Variants in NXPH1 observed in about 807,000 individuals in gnomAD.
NXPH1 encodes the protein neurexophilin-1.
NXPH1 carries 5 observed loss-of-function variants against 23.7 expected under a neutral mutation model. The ratio of observed to expected loss-of-function variants is 0.21; its 90% CI spans 0.11 to 0.44. The LOEUF is 0.44. Ranked by LOEUF, NXPH1 falls within the 20% of genes least tolerant of loss-of-function variation. NXPH1 has a pLI of 0.99. For synonymous variants in NXPH1, 144 were observed against 122.2 expected (o/e 1.18, Z -1.18); for missense variants, 324 against 321.6 (o/e 1.01, Z -0.06).
At chr7:8,543,208 A>G (rs576310322) in intron 2 of NXPH1, among the ~76,000 whole-genome samples, 44 of 151,220 alleles carry the variant, frequency 2.9e-4, no homozygotes, top group African/African-American at 1.0e-3. Context: ...CATCTCATCC[A>G]CTCCCACCTA....
chr7:8,532,424 G>A (rs974257448), intron 2 of NXPH1, among the ~76,000 whole-genome samples: 1 of 117,186 alleles, frequency 8.5e-6, no homozygotes, highest in East Asian at 3.0e-4. Flanking sequence ...TCTTATTGGA[G>A]CAATACTCTC....
chr7:8,751,520 C>T lies in NXPH1; in HGVS notation c.567C>T (p.Ser189=). ...AQQTVIDAKD[S]KSFNCRIEYE... is the part of the protein sequence containing the mutation. ...AAACCGTGATTGATGCCAAAGATTC[C>T]AAGTCTTTTAATTGTCGCATTGAAT... The change falls in exon 3 of 3, where the codon TCC becomes TCT. Residue 189 remains serine (S), a synonymous_variant. Coordinates refer to ENST00000405863, the MANE Select transcript of NXPH1 (RefSeq NM_152745.3). The surrounding 1 kb of genome is among the most constrained non-coding windows in gnomAD (Gnocchi z 4.5). The T allele has an allele frequency of 6.2e-7, 1 of 1,613,560 alleles. No homozygotes were observed. The highest frequency in any genetic ancestry group is 2.2e-5 in the East Asian group (1 of 44,874).
chr7:8,730,901 G>A (rs1780141174), intron 2 of NXPH1, among the ~76,000 whole-genome samples: 2 of 151,188 alleles, frequency 1.3e-5, no homozygotes, highest in South Asian at 4.2e-4. Context: ...TTGCTAGATT[G>A]GGGATGTTCT....
At chr7:8,520,254 A>C (rs1817747997) in intron 2 of NXPH1, among the ~76,000 whole-genome samples, 1 of 152,138 alleles carries the variant, frequency 6.6e-6, no homozygotes, top group Non-Finnish European at 1.5e-5. Context: ...CCCAAATATA[A>C]GGTTTTTTTG....
intron 2 of NXPH1, among the ~76,000 whole-genome samples, chr7:8,686,726 G>A (rs1220063074): frequency 6.6e-6 from 1 of 152,032 alleles, no homozygotes; most frequent in East Asian, 1.9e-4. Flanking sequence ...GGGGAGAGAG[G>A]AGAATAATCT....
Position 8,548,555 on chromosome 7 carries a change from G to A in NXPH1, c.54+112788G>A, listed in dbSNP as rs186970770. Among the ~76,000 whole-genome samples the A allele has an allele frequency of 1.1e-4, 17 of 151,634 alleles. No homozygotes were observed. In the East Asian group the frequency reaches 3.3e-3, roughly 30 times the overall value. On this transcript the variant is annotated intron_variant, in intron 2 of 2. Transcript: ENST00000405863. ...AGAGGGATATTCAGACTTTTGGGTA[G>A]TTTCTCTGCGAGACTGCCTAATGTG...
intron 2 of NXPH1, among the ~76,000 whole-genome samples, chr7:8,649,174 T>A (rs1003260123): frequency 6.6e-6 from 1 of 152,170 alleles, no homozygotes; most frequent in African/African-American, 2.4e-5. Flanking sequence ...TGAAAGTCTG[T>A]CTACATACCA....
At chr7:8,554,280 G>A (rs938733288) in intron 2 of NXPH1, among the ~76,000 whole-genome samples, 5 of 151,642 alleles carry the variant, frequency 3.3e-5, no homozygotes, top group Admixed American at 6.6e-5. Context: ...ATAGCCAGGG[G>A]CAATCCTTCA....
intron 2 of NXPH1, among the ~76,000 whole-genome samples, chr7:8,744,492 C>T (rs899243309): frequency 3.9e-5 from 6 of 152,144 alleles, no homozygotes; most frequent in Non-Finnish European, 4.4e-5. Flanking sequence ...TTCTGCCTGT[C>T]CTCAAAGTGC....
At chr7:8,611,102 T>A (rs1239058844) in intron 2 of NXPH1, among the ~76,000 whole-genome samples, 1 of 152,188 alleles carries the variant, frequency 6.6e-6, no homozygotes, top group Non-Finnish European at 1.5e-5. Flanking sequence ...TTTTTTCCTT[T>A]TATTTCTAGT....
At chr7:8,501,500 T>G (rs1293448471) in intron 2 of NXPH1, among the ~76,000 whole-genome samples, 1 of 152,000 alleles carries the variant, frequency 6.6e-6, no homozygotes, top group Non-Finnish European at 1.5e-5. Context: ...TGTAAAAAAT[T>G]TCATAGTGAT....
intron 2 of NXPH1, among the ~76,000 whole-genome samples, chr7:8,735,308 T>C (rs770058610): frequency 6.6e-6 from 1 of 152,188 alleles, no homozygotes; most frequent in Non-Finnish European, 1.5e-5. Flanking sequence ...TATTTTAAGA[T>C]ATGTTCCATC....
intron 2 of NXPH1, among the ~76,000 whole-genome samples, chr7:8,705,377 G>C (rs1779686406): frequency 6.6e-6 from 1 of 152,092 alleles, no homozygotes; most frequent in African/African-American, 2.4e-5. Context: ...AAGTTTTTCT[G>C]GCAGGATGGG....
At chr7:8,462,308 A>G (rs1392805652) in intron 2 of NXPH1, among the ~76,000 whole-genome samples, 1 of 152,168 alleles carries the variant, frequency 6.6e-6, no homozygotes, top group Non-Finnish European at 1.5e-5. Context: ...TAGCCTCCCA[A>G]AGTTCTGTCA....
intron 2 of NXPH1, among the ~76,000 whole-genome samples, chr7:8,682,911 A>G (rs1821080466): frequency 6.6e-6 from 1 of 152,244 alleles, no homozygotes; most frequent in Admixed American, 6.5e-5. Flanking sequence ...AGCTTATTCC[A>G]GCACAAAGAG....
chr7:8,464,683 T>G lies in NXPH1; in HGVS notation c.54+28916T>G, dbSNP rs372443303. ...CCTCGTTTATTAAAATCTAGGACAA[T>G]AAAGGTGGAATGATGCTTCTACAGA... On this transcript the variant is annotated intron_variant, in intron 2 of 2. Coordinates refer to ENST00000405863, the MANE Select transcript of NXPH1 (RefSeq NM_152745.3). 2.6e-5 allele frequency among the ~76,000 whole-genome samples: 4 copies of G among 152,004 alleles called. No homozygotes were observed. The South Asian group carries it at 6.2e-4, about 24-fold the overall frequency.
At chr7:8,707,849 A>G (rs1254053302) in intron 2 of NXPH1, among the ~76,000 whole-genome samples, 1 of 152,152 alleles carries the variant, frequency 6.6e-6, no homozygotes, top group Non-Finnish European at 1.5e-5. Context: ...AAAGAAATAA[A>G]TTGTATTATT....
chr7:8,469,122 G>A (rs1047987830), intron 2 of NXPH1, among the ~76,000 whole-genome samples: 1 of 151,950 alleles, frequency 6.6e-6, no homozygotes, highest in Non-Finnish European at 1.5e-5. Flanking sequence ...GAAAAAGGAT[G>A]TCAATTTTCT....
intron 2 of NXPH1, among the ~76,000 whole-genome samples, chr7:8,486,558 A>G (rs1424137836): frequency 6.6e-6 from 1 of 152,158 alleles, no homozygotes; most frequent in Non-Finnish European, 1.5e-5. Flanking sequence ...ACTTTTCTCA[A>G]TCATTGTTTC....
Sources: allele counts gnomAD v4.1 joint callset (sites outside exome capture counted in the v4.1 genomes callset), GRCh38; gene constraint gnomAD v4.1.1; non-coding constraint Gnocchi (gnomAD v3.1); transcripts MANE v1.5; gene names NCBI Gene and HGNC (gene_info 2026-07-23, HGNC 2026-07-21).